VPS13C: variants seen among roughly 807,000 people sequenced by gnomAD.
VPS13C encodes intermembrane lipid transfer protein VPS13C.
A neutral mutation model predicts 456.8 loss-of-function variants in VPS13C; 358 were observed. That is an observed-to-expected ratio of 0.78 (90% CI 0.72 to 0.86). The LOEUF (loss-of-function observed/expected upper bound fraction) is 0.86. Among genes scored for constraint, VPS13C ranks in the 40% least tolerant of loss-of-function variants. The pLI is 0.00. For missense variants in VPS13C, 4,818 were observed against 4,385.4 expected (o/e 1.10, Z -2.79); for synonymous variants, 1,578 against 1,486.7 (o/e 1.06, Z -1.41).
At chr15:61,994,339 T>C (rs2046311922) in intron 16 of VPS13C, among the ~76,000 whole-genome samples, 1 of 152,196 alleles carries the variant, frequency 6.6e-6, no homozygotes. Flanking sequence ...GGATTGAAAT[T>C]GTTATCCTCC....
rs1895472716 is a variant in VPS13C at position 61,877,013 on chromosome 15, T to C, written c.10184A>G (p.Asp3395Gly). Residue 3395 changes from aspartate to glycine, a missense_variant, in exon 75 of 85, where the codon GAT becomes GGT. Asp to Gly is a moderately conservative substitution (Grantham distance 94). Around this residue, in one of 3 missense-constraint regions of VPS13C, gnomAD observed 4,552 missense variants for 4,130.6 expected, o/e 1.10. Transcript: ENST00000644861. ...YEIRYQFYKR[D>G]QLIWSVVRHY... is the part of the protein sequence containing the mutation. ...CCTAACAACACTCCATATAAGCTGA[T>C]CTCTCTTGTAGAACTGATATCGAAT... The C allele has an allele frequency of 6.2e-7, 1 of 1,610,080 alleles. No homozygotes were observed. Among genetic ancestry groups the C allele is most frequent in the Non-Finnish European group, 8.5e-7 (1 of 1,177,786 alleles).
intron 16 of VPS13C, among the ~76,000 whole-genome samples, chr15:61,999,806 G>A (rs547559517): frequency 2.7e-5 from 4 of 148,932 alleles, no homozygotes; most frequent in South Asian, 4.3e-4. Context: ...GGAAAAAAAG[G>A]AAGAAAGTGA....
intron 43 of VPS13C, among the ~76,000 whole-genome samples, chr15:61,946,814 A>T (rs2044622210): frequency 6.6e-6 from 1 of 152,064 alleles, no homozygotes; most frequent in African/African-American, 2.4e-5. Context: ...ATATTATTAA[A>T]AACTGTTGCT....
In VPS13C at chr15:61,919,307, G is replaced by T. The variant is rs758637421; in HGVS notation, c.7620C>A (p.Thr2540=). The T allele has an allele frequency of 1.2e-6, 2 of 1,602,872 alleles. No homozygotes were observed. Among genetic ancestry groups the T allele is most frequent in the Non-Finnish European group, 1.7e-6 (2 of 1,175,298 alleles). The part of the protein sequence containing the change: ...IDATEGNKVI[T]LRSPLQIKNH... ...GTATTACCTGTAGAGGAGAGCGAAG[G>T]GTAATTACTTTATTCCCTTCAGTTG... The change falls in exon 58 of 85, where the codon ACC becomes ACA. Residue 2540 remains threonine, a synonymous_variant. Transcript: ENST00000644861.
chr15:62,055,722 A>T (rs1373361557), intron 1 of VPS13C, among the ~76,000 whole-genome samples: 1 of 152,200 alleles, frequency 6.6e-6, no homozygotes, highest in African/African-American at 2.4e-5. Context: ...CAGTCACTTA[A>T]GATATCAATT....
chr15:61,888,442 C>G (rs1056183590), intron 67 of VPS13C, among the ~76,000 whole-genome samples: 4 of 152,086 alleles, frequency 2.6e-5, no homozygotes, highest in Non-Finnish European at 5.9e-5. Context: ...TGGAAGCAAC[C>G]AAGATCTCCT....
chr15:62,047,898 C>T (rs370649820), intron 1 of VPS13C, among the ~76,000 whole-genome samples: 155 of 152,074 alleles, frequency 1.0e-3, no homozygotes, highest in African/African-American at 3.1e-3. Flanking sequence ...AACTGAATAC[C>T]GATAAAAAAG....
In VPS13C at chr15:62,027,105, A is replaced by T. The variant is rs555208625; in HGVS notation, c.448+1253T>A. Reference sequence around the variant, plus strand: ...AATGAGGAAATAATATGCACTCAGAAACTGAAAAGAGGAAATGATCATGAA... The same window carrying T: ...AATGAGGAAATAATATGCACTCAGATACTGAAAAGAGGAAATGATCATGAA... On this transcript the variant is annotated intron_variant, in intron 6 of 84. Coordinates refer to ENST00000644861, the MANE Select transcript of VPS13C (RefSeq NM_020821.3). 9.2e-5 allele frequency among the ~76,000 whole-genome samples: 14 copies of T among 152,270 alleles called. 1 individual carries two copies. In the South Asian group the frequency reaches 2.7e-3, roughly 29 times the overall value.
At chr15:62,011,509 A>G (rs1269184402) in intron 12 of VPS13C, among the ~76,000 whole-genome samples, 3 of 152,052 alleles carry the variant, frequency 2.0e-5, no homozygotes, top group Admixed American at 6.6e-5. Context: ...GTAATACGGA[A>G]CAACGTGAGT....
chr15:62,060,434 G>C lies in VPS13C; in HGVS notation c.-60C>G. ...GAACCGCCCGGCGCAGCTGAGGGCT[G>C]CGACCAGCGCTGCAAATGACAGCCC... On this transcript the variant is annotated 5_prime_UTR_variant, in exon 1 of 85. Coordinates refer to ENST00000644861, the MANE Select transcript of VPS13C (RefSeq NM_020821.3). 1.2e-6 allele frequency: 1 copy of C among 863,216 alleles called. No individual in the cohort carries two copies. The highest frequency in any genetic ancestry group is 1.8e-6 in the Non-Finnish European group (1 of 552,654). 53.5% of individuals were successfully genotyped at this position (863,216 alleles called of 1,614,324 possible).
At chr15:61,966,642 T>C (rs1423709500) in intron 29 of VPS13C, among the ~76,000 whole-genome samples, 2 of 151,928 alleles carry the variant, frequency 1.3e-5, no homozygotes, top group East Asian at 3.8e-4. Flanking sequence ...CATAAACAAA[T>C]TCAAACTCAA....
At position 61,912,013 on chromosome 15, in the gene VPS13C, AG is replaced by A; in HGVS notation, c.8551-10del. The stretch of plus-strand genomic sequence containing the variant: ...TTGATGCTAACACCAACCTGTGGAA[AG>A]GAAAAAAGCTTATTTTCCAGTTTAT... On this transcript the variant is annotated splice_polypyrimidine_tract_variant and intron_variant, in intron 62 of 84. Coordinates refer to ENST00000644861, the MANE Select transcript of VPS13C (RefSeq NM_020821.3). 1 of 1,565,984 alleles carries A rather than the reference AG, an allele frequency of 6.4e-7. No individual in the cohort carries two copies. Among genetic ancestry groups the A allele is most frequent in the Non-Finnish European group, 8.7e-7 (1 of 1,154,698 alleles).
At chr15:61,869,465 G>T in intron 80 of VPS13C, 35 bp downstream of exon 80, 5 of 1,605,786 alleles carry the variant, frequency 3.1e-6, no homozygotes, top group Non-Finnish European at 4.3e-6. Context: ...TTAGCACACA[G>T]ACACATACCT....
In VPS13C at chr15:61,909,106, T is replaced by C; in HGVS notation, c.8864A>G (p.Asp2955Gly). 3.1e-6 allele frequency: 5 copies of C among 1,612,694 alleles called. No individual in the cohort carries two copies. Among genetic ancestry groups the C allele is most frequent in the East Asian group, 2.2e-5 (1 of 44,846 alleles). Residue 2955 changes from aspartate (D) to glycine (G), a missense_variant, in exon 65 of 85, where the codon GAT becomes GGT. Coordinates refer to ENST00000644861, the MANE Select transcript of VPS13C (RefSeq NM_020821.3). ...AGTTGAATGTTCGGCAGTGTTTACATCCACCAAGATACCCCCATTCTATTG... is the reference window on the plus strand; with the variant it reads ...AGTTGAATGTTCGGCAGTGTTTACACCCACCAAGATACCCCCATTCTATTG... ...LEDLNGGILV[D>G]VNTAEHSTVI...
chr15:61,922,019 A>G lies in VPS13C; in HGVS notation c.6990T>C (p.Asn2330=), dbSNP rs1387152221. 6.2e-7 allele frequency: 1 copy of G among 1,612,020 alleles called. No individual in the cohort carries two copies. Among genetic ancestry groups the G allele is most frequent in the East Asian group, 2.2e-5 (1 of 44,804 alleles). The change falls in exon 55 of 85, where the codon AAT becomes AAC. Residue 2330 remains asparagine (N), a synonymous_variant. Coordinates refer to ENST00000644861, the MANE Select transcript of VPS13C (RefSeq NM_020821.3). ...GTGGCTCCCAGACAGCATGGATCTC[A>G]TTGTAATAGTGCACCTGGAAAGATA... ...ADVTLQVHYY[N]EIHAVWEPLI... is the part of the protein sequence containing the mutation.
chr15:61,865,664 GTA>G (rs1894507586), intron 81 of VPS13C: 1 of 351,992 alleles, frequency 2.8e-6, no homozygotes, highest in Non-Finnish European at 4.0e-6. Flanking sequence ...ATATGTATGT[GTA>G]TATATGTGTA....
At chr15:61,965,693 G>A (rs1396282310) in intron 30 of VPS13C, among the ~76,000 whole-genome samples, 1 of 151,650 alleles carries the variant, frequency 6.6e-6, no homozygotes, top group Admixed American at 6.6e-5. Context: ...AAGCTACTAC[G>A]TAAGTAGTGC....
Position 61,954,516 on chromosome 15 carries a change from C to G in VPS13C, c.4204G>C (p.Asp1402His). The G allele has an allele frequency of 2.5e-6, 4 of 1,605,612 alleles. No individual in the cohort carries two copies. Among genetic ancestry groups the G allele is most frequent in the Non-Finnish European group, 3.4e-6 (4 of 1,176,520 alleles). Reference protein sequence around the residue: ...KEPLEISISQDVHDSKNTLTT... With the variant: ...KEPLEISISQHVHDSKNTLTT... Reference sequence around the variant, plus strand: ...AAAGTATTTTTTGAATCATGTACATCTTGTGATATAGAGATTTCAAGGGGC... The same window carrying G: ...AAAGTATTTTTTGAATCATGTACATGTTGTGATATAGAGATTTCAAGGGGC... Residue 1402 changes from aspartate to histidine, a missense_variant, in exon 38 of 85, where the codon GAT becomes CAT. Asp to His is a moderately conservative substitution (Grantham distance 81). This residue lies in a region of VPS13C where 4,552 missense variants were observed against 4,130.6 expected (regional missense o/e 1.10). Coordinates refer to ENST00000644861, the MANE Select transcript of VPS13C (RefSeq NM_020821.3).
In VPS13C at chr15:61,962,760, C is replaced by T. The variant is rs2045252318; in HGVS notation, c.3424G>A (p.Val1142Ile). ...IIVTDVDPKTVHKKAVSIMGN... is the reference protein window; with the variant it reads ...IIVTDVDPKTIHKKAVSIMGN... Reference sequence around the variant, plus strand: ...TTACAATCACCTACTTTCTTATGAACTGTCTTTGGATCAACATCTGTGACA... The same window carrying T: ...TTACAATCACCTACTTTCTTATGAATTGTCTTTGGATCAACATCTGTGACA... The change falls in exon 33 of 85, where the codon GTT (valine) becomes ATT (isoleucine). Residue 1142 changes from valine (V) to isoleucine (I), a missense_variant. By Grantham distance (29) the Val-to-Ile change is conservative. This residue lies in a region of VPS13C where 4,552 missense variants were observed against 4,130.6 expected (regional missense o/e 1.10). Coordinates refer to ENST00000644861, the MANE Select transcript of VPS13C (RefSeq NM_020821.3). The T allele has an allele frequency of 6.3e-7, 1 of 1,594,242 alleles. No individual in the cohort carries two copies. Among genetic ancestry groups the T allele is most frequent in the Non-Finnish European group, 8.6e-7 (1 of 1,167,974 alleles).
Sources: allele counts gnomAD v4.1 joint callset (sites outside exome capture counted in the v4.1 genomes callset), GRCh38; gene constraint gnomAD v4.1.1; regional missense constraint gnomAD v4.1.1; transcripts MANE v1.5; gene names NCBI Gene and HGNC (gene_info 2026-07-23, HGNC 2026-07-21).